CEACAM21: variants seen among roughly 807,000 people sequenced by gnomAD.
The protein encoded by CEACAM21 is cell adhesion molecule CEACAM21.
Under a neutral mutation model 33.2 loss-of-function variants are expected in CEACAM21, and 38 were observed. The ratio of observed to expected loss-of-function variants is 1.14; its 90% CI spans 0.88 to 1.50. CEACAM21 has a LOEUF of 1.50. CEACAM21 is among the 40% of genes most tolerant of loss of function. The pLI is 0.00. For synonymous variants in CEACAM21, 156 were observed against 143.0 expected, an observed-to-expected ratio of 1.09 and a Z score of -0.65; for missense variants, 385 against 364.6, an observed-to-expected ratio of 1.06 and a Z score of -0.46.
At chr19:41,572,472 G>A (rs782178059), upstream of CEACAM21, among the ~76,000 whole-genome samples, 9 of 152,122 alleles carry the variant, frequency 5.9e-5, no homozygotes, top group Non-Finnish European at 1.2e-4. Flanking sequence ...CCTGTAAGCC[G>A]GGGGAGAGCT....
rs782577959 is a variant in CEACAM21, at chr19:41,586,752, C to T, written c.*289C>T. The T allele has an allele frequency of 7.4e-5, 27 of 362,646 alleles. No individual in the cohort carries two copies. The highest frequency in any genetic ancestry group is 1.3e-4 in the Non-Finnish European group (24 of 187,866). The allele number at this position is 362,646 out of a possible 1,614,324, so 22.5% of individuals were successfully genotyped here. A position where few individuals can be genotyped will look rare whatever the true frequency, so the allele number is the denominator to read the frequency against. ...CCAAGGCGAAGGCTTCCCATCACCACAGGAAGTGGGGGCTTGCAGGGAAAG... is the reference window on the plus strand; with the variant it reads ...CCAAGGCGAAGGCTTCCCATCACCATAGGAAGTGGGGGCTTGCAGGGAAAG... On this transcript the variant is annotated 3_prime_UTR_variant, in exon 7 of 7. Transcript: ENST00000401445.
chr19:41,561,558 T>G (rs2041883063), intron 1 of CEACAM21, among the ~76,000 whole-genome samples: 1 of 152,202 alleles, frequency 6.6e-6, no homozygotes, highest in Non-Finnish European at 1.5e-5. Context: ...ATAAAATCCT[T>G]GCAGTTGTCT....
upstream of CEACAM21, among the ~76,000 whole-genome samples, chr19:41,575,974 G>T (rs7257657): frequency 6.6e-6 from 1 of 152,066 alleles, no homozygotes; most frequent in Non-Finnish European, 1.5e-5. Flanking sequence ...AGAGTGGGTC[G>T]TCCTGTTATG....
rs577548578 is a variant in CEACAM21, at chr19:41,577,423, C to T, written c.288C>T (p.Ser96=). The part of the protein sequence containing the change: ...THVRTPGPAY[S]GRETISPSGD... ...TTAGGACTCCAGGGCCTGCATACAG[C>T]GGTCGAGAGACAATATCACCCAGTG... Residue 96 remains serine, a synonymous_variant, in exon 2 of 7, where the codon AGC becomes AGT. Coordinates refer to ENST00000401445, the MANE Select transcript of CEACAM21 (RefSeq NM_001098506.4). 23 of 1,614,026 alleles carry T rather than the reference C, an allele frequency of 1.4e-5. No homozygotes were observed. The highest frequency in any genetic ancestry group is 6.7e-5 in the Admixed American group (4 of 60,000).
chr19:41,585,096 T>G (rs143229420), intron 4 of CEACAM21, among the ~76,000 whole-genome samples: 1 of 152,282 alleles, frequency 6.6e-6, no homozygotes, highest in Non-Finnish European at 1.5e-5. Flanking sequence ...GTCCTGCACA[T>G]GTGCCTGGCC....
chr19:41,556,722 T>C (rs571862463), intron 1 of CEACAM21, among the ~76,000 whole-genome samples: 9 of 152,340 alleles, frequency 5.9e-5, no homozygotes, highest in Admixed American at 2.0e-4. Context: ...AGGCATAAAC[T>C]TGAAGCTAGG....
In CEACAM21 at chr19:41,577,493, T is replaced by C; in HGVS notation, c.358T>C (p.Tyr120His). ...QNVTLEDTGY[Y>H]NLQVTYRNSQ... Reference sequence around the variant, plus strand: ...CGTCACCCTAGAGGACACGGGATACTACAACCTACAAGTCACATACAGAAA... The same window carrying C: ...CGTCACCCTAGAGGACACGGGATACCACAACCTACAAGTCACATACAGAAA... The change falls in exon 2 of 7, where the codon TAC becomes CAC. Residue 120 changes from tyrosine (Y) to histidine (H), a missense_variant. Transcript: ENST00000401445. 6.2e-7 allele frequency: 1 copy of C among 1,614,098 alleles called. No individual in the cohort carries two copies. The highest frequency in any genetic ancestry group is 8.5e-7 in the Non-Finnish European group (1 of 1,180,004).
At chr19:41,565,497 G>C (rs1195557173) in intron 2 of CEACAM21, 1 of 152,880 alleles carries the variant, frequency 6.5e-6, no homozygotes, top group Admixed American at 6.6e-5. Flanking sequence ...TTGCGGATAC[G>C]GGTAGGGCCC....
At chr19:41,556,346 C>T (rs1482319542) in intron 1 of CEACAM21, among the ~76,000 whole-genome samples, 2 of 152,202 alleles carry the variant, frequency 1.3e-5, no homozygotes, top group African/African-American at 4.8e-5. Context: ...AGGGTAGTTA[C>T]ATGGGTATAT....
In CEACAM21 at chr19:41,576,211, T is replaced by C. The variant is rs1453819817; in HGVS notation, c.-64T>C. 5 of 1,585,332 alleles carry C rather than the reference T, an allele frequency of 3.2e-6. No individual in the cohort carries two copies. In the Admixed American group the frequency reaches 8.4e-5, roughly 27 times the overall value. ...AGAGACAACAGTCACAGTAACCCTG[T>C]CTAGAGCGTTCCTGGAGCCCAAGCT... is the stretch of plus-strand genomic sequence containing the variant. On this transcript the variant is annotated 5_prime_UTR_variant, in exon 1 of 7. Coordinates refer to ENST00000401445, the MANE Select transcript of CEACAM21 (RefSeq NM_001098506.4).
intron 4 of CEACAM21, 74 bp downstream of exon 4, chr19:41,584,517 T>A: frequency 7.5e-7 from 1 of 1,333,762 alleles, no homozygotes; most frequent in African/African-American, 1.4e-5. Context: ...GACCCTGTCT[T>A]GTATTCAGTG....
At chr19:41,585,588 C>T (rs892272911) in intron 5 of CEACAM21, 93 bp downstream of exon 5, 2 of 1,380,246 alleles carry the variant, frequency 1.4e-6, no homozygotes, top group African/African-American at 1.4e-5. Context: ...GCCTCTGACC[C>T]TATCCCTGGG....
At chr19:41,562,765 G>A (rs1231659137) in intron 1 of CEACAM21, among the ~76,000 whole-genome samples, 3 of 151,366 alleles carry the variant, frequency 2.0e-5, no homozygotes, top group Non-Finnish European at 2.9e-5. Context: ...GTCTGGCGCT[G>A]TCGCCCAGGC....
chr19:41,573,857 T>C (rs941830122), upstream of CEACAM21, among the ~76,000 whole-genome samples: 3 of 152,180 alleles, frequency 2.0e-5, no homozygotes, highest in African/African-American at 7.2e-5. Flanking sequence ...TTGAGAACCA[T>C]TGAACTACAT....
intron 1 of CEACAM21, among the ~76,000 whole-genome samples, chr19:41,553,266 G>A (rs868943500): frequency 1.3e-5 from 2 of 151,764 alleles, no homozygotes; most frequent in African/African-American, 4.8e-5. Context: ...CATCATGCCC[G>A]GCTCATTTTT....
chr19:41,585,908 G>T (rs993165743), intron 6 of CEACAM21, 37 bp downstream of exon 6: 3 of 1,608,292 alleles, frequency 1.9e-6, no homozygotes, highest in Non-Finnish European at 2.5e-6. Flanking sequence ...TTCCACTGGG[G>T]CCCCAGCTGT....
At chr19:41,585,762 T>C in intron 5 of CEACAM21, 78 bp from the exon 6 acceptor site, 1 of 1,443,074 alleles carries the variant, frequency 6.9e-7, no homozygotes, top group Non-Finnish European at 9.6e-7. Flanking sequence ...CTCTAAGAAC[T>C]GAGGACCCCC....
At chr19:41,565,976 GT>G (rs1568590603) in intron 2 of CEACAM21, among the ~76,000 whole-genome samples, 3 of 140,088 alleles carry the variant, frequency 2.1e-5, no homozygotes, top group African/African-American at 5.2e-5. Context: ...GGCGGGGGGG[GT>G]GGGGTTCTGG....
chr19:41,555,394 G>A (rs2041474301), intron 1 of CEACAM21: 1 of 148,800 alleles, frequency 6.7e-6, no homozygotes, highest in Non-Finnish European at 1.5e-5. Flanking sequence ...CTGAATGTCA[G>A]AAAGTCATAT....
Sources: gnomAD v4.1 joint callset for allele counts (sites outside exome capture counted in the v4.1 genomes callset) on GRCh38, gnomAD v4.1.1 for gene constraint, MANE v1.5 for transcripts, NCBI Gene and HGNC (gene_info 2026-07-23, HGNC 2026-07-21) for gene names.